DLGAP1: variants seen among roughly 807,000 people sequenced by gnomAD.
DLGAP1 encodes the protein disks large-associated protein 1.
A neutral mutation model predicts 90.8 loss-of-function variants in DLGAP1; 11 were observed. The ratio of observed to expected loss-of-function variants is 0.12; its 90% confidence interval spans 0.08 to 0.20. The LOEUF is 0.20. Among genes scored for constraint, DLGAP1 ranks in the 10% least tolerant of loss-of-function variants. The pLI is 1.00. For synonymous variants in DLGAP1, 558 were observed against 540.7 expected (o/e 1.03, Z -0.44); for missense variants, 1,050 against 1,333.8 (o/e 0.79, Z 3.31).
chr18:4,254,724 C>T (rs1470824131), intron 1 of DLGAP1, among the ~76,000 whole-genome samples: 1 of 152,168 alleles, frequency 6.6e-6, no homozygotes, highest in African/African-American at 2.4e-5. Flanking sequence ...GAACACATTT[C>T]CTTCCCATAT....
At chr18:3,654,624 T>A (rs1466045081) in intron 7 of DLGAP1, 1 of 152,188 alleles carries the variant, frequency 6.6e-6, no homozygotes, top group African/African-American at 2.4e-5. Context: ...AGTGCTCAAA[T>A]TGCTACTGGG....
Position 4,428,658 on chromosome 18 carries a change from C to T in DLGAP1, c.-267+26348G>A, listed in dbSNP as rs530218252. 1.4e-4 allele frequency among the ~76,000 whole-genome samples: 21 copies of T among 152,258 alleles called. No individual in the cohort carries two copies. In the South Asian group the frequency reaches 4.4e-3, roughly 32 times the overall value. On this transcript the variant is annotated intron_variant, in intron 1 of 12. Transcript: ENST00000315677. ...ACATAAGACACCTGCTCCCACTTTG[C>T]CTCCCACCATGAGTAAAAGTTTCCT...
intron 1 of DLGAP1, among the ~76,000 whole-genome samples, chr18:4,198,851 A>C (rs911795337): frequency 1.3e-5 from 2 of 152,224 alleles, no homozygotes; most frequent in Non-Finnish European, 2.9e-5. Context: ...TAATCCTTTT[A>C]ACAATGTCAT....
intron 7 of DLGAP1, among the ~76,000 whole-genome samples, chr18:3,694,285 C>T (rs188912062): frequency 6.6e-6 from 1 of 152,278 alleles, no homozygotes; most frequent in Admixed American, 6.5e-5. Context: ...TCCAGTCTAT[C>T]ATTGATGGGC....
Position 4,106,031 on chromosome 18 carries a change from C to CAAA in DLGAP1, c.-159+45146_-159+45148dup, listed in dbSNP as rs60176243. 5.3e-3 allele frequency among the ~76,000 whole-genome samples: 546 copies of CAAA among 102,136 alleles called. 34 individuals carry two copies. The highest frequency in any genetic ancestry group is 0.016 in the African/African-American group (487 of 29,754). The allele number at this position is 102,136 out of a possible 152,430, so 67.0% of individuals were successfully genotyped here. A position where few individuals can be genotyped will look rare whatever the true frequency, so the allele number is the denominator to read the frequency against. ...TGGGCGACAGAGCGAGGGTCCGTCTCAAAAAAAAAAAAAAAAAAAAAAAAA... is the reference window on the plus strand; with the variant it reads ...TGGGCGACAGAGCGAGGGTCCGTCTCAAAAAAAAAAAAAAAAAAAAAAAAAAAA... On this transcript the variant is annotated intron_variant, in intron 2 of 12. Coordinates refer to ENST00000315677, the MANE Select transcript of DLGAP1 (RefSeq NM_004746.4).
intron 2 of DLGAP1, among the ~76,000 whole-genome samples, chr18:4,076,844 G>A (rs1212456155): frequency 6.6e-6 from 1 of 152,118 alleles, no homozygotes; most frequent in Admixed American, 6.5e-5. Context: ...GGCTGGTTTT[G>A]AACTCCTGAC....
chr18:3,707,526 G>T (rs1482220210), intron 7 of DLGAP1, among the ~76,000 whole-genome samples: 1 of 151,908 alleles, frequency 6.6e-6, no homozygotes, highest in South Asian at 2.1e-4. Flanking sequence ...CTTGAATCTG[G>T]GAGGCAGAGG....
At chr18:4,420,731 T>C (rs1014226565) in intron 1 of DLGAP1, among the ~76,000 whole-genome samples, 3 of 152,218 alleles carry the variant, frequency 2.0e-5, no homozygotes, top group African/African-American at 7.2e-5. Flanking sequence ...GATAGTTTAT[T>C]GGCACCTCAA....
At chr18:4,427,683 C>A (rs1283145159) in intron 1 of DLGAP1, among the ~76,000 whole-genome samples, 1 of 152,138 alleles carries the variant, frequency 6.6e-6, no homozygotes, top group Non-Finnish European at 1.5e-5. Flanking sequence ...AGACAGAAAA[C>A]CATTTGCTGT....
chr18:4,243,389 C>T (rs919564287), intron 1 of DLGAP1, among the ~76,000 whole-genome samples: 4 of 125,602 alleles, frequency 3.2e-5, no homozygotes, highest in African/African-American at 1.0e-4. Flanking sequence ...AGTCTGAGGA[C>T]AGCCTTGTCC....
chr18:3,730,129 C>CTAT (rs1405104506), intron 6 of DLGAP1, among the ~76,000 whole-genome samples: 1 of 152,124 alleles, frequency 6.6e-6, no homozygotes, highest in Non-Finnish European at 1.5e-5. Context: ...TGGCTCGCAC[C>CTAT]TATTACCCAG....
intron 1 of DLGAP1, among the ~76,000 whole-genome samples, chr18:4,386,193 C>T (rs2082227067): frequency 6.6e-6 from 1 of 152,082 alleles, no homozygotes; most frequent in Non-Finnish European, 1.5e-5. Context: ...TTTATCCTAT[C>T]CTCATTTATC....
chr18:4,240,850 C>T (rs999403073), intron 1 of DLGAP1, among the ~76,000 whole-genome samples: 2 of 152,150 alleles, frequency 1.3e-5, no homozygotes, highest in Admixed American at 1.3e-4. Flanking sequence ...CTCAAAAGTT[C>T]CATGTGGTTA....
intron 7 of DLGAP1, among the ~76,000 whole-genome samples, chr18:3,640,915 A>G (rs552830271): frequency 9.3e-4 from 142 of 152,278 alleles, no homozygotes; most frequent in African/African-American, 3.3e-3. Context: ...TTGTCATTCA[A>G]ATTTTTAATG....
At chr18:4,279,499 T>TCCC (rs2079499487) in intron 1 of DLGAP1, among the ~76,000 whole-genome samples, 1 of 152,142 alleles carries the variant, frequency 6.6e-6, no homozygotes, top group East Asian at 1.9e-4. Flanking sequence ...AATAAACCGT[T>TCCC]GACTGAATCT....
intron 1 of DLGAP1, among the ~76,000 whole-genome samples, chr18:4,338,547 T>G (rs75781785): frequency 1.3e-5 from 2 of 152,194 alleles, no homozygotes; most frequent in African/African-American, 2.4e-5. Context: ...CTATTATTTA[T>G]CAGGAACTGT....
intron 2 of DLGAP1, among the ~76,000 whole-genome samples, chr18:4,118,231 G>A (rs894112321): frequency 1.3e-5 from 2 of 152,184 alleles, no homozygotes; most frequent in Admixed American, 6.5e-5. Context: ...CCTGCAGGCC[G>A]AGCTGTGGAG....
chr18:4,354,565 C>T (rs557001675), intron 1 of DLGAP1, among the ~76,000 whole-genome samples: 4 of 152,234 alleles, frequency 2.6e-5, no homozygotes, highest in South Asian at 2.1e-4. Flanking sequence ...TCCCATGTCA[C>T]GCAAACCTTT....
chr18:4,359,841 A>C (rs578241197), intron 1 of DLGAP1, among the ~76,000 whole-genome samples: 76 of 152,342 alleles, frequency 5.0e-4, no homozygotes, highest in African/African-American at 1.7e-3. Flanking sequence ...GAAAATAGTC[A>C]GTAATCTTGA....
Sources: allele counts gnomAD v4.1 joint callset (sites outside exome capture counted in the v4.1 genomes callset), GRCh38; gene constraint gnomAD v4.1.1; transcripts MANE v1.5; gene names NCBI Gene and HGNC (gene_info 2026-07-23, HGNC 2026-07-21).